The following FBLN5 variants were observed in gnomAD, a reference collection of about 807,000 sequenced individuals.
FBLN5 encodes fibulin 5, also known as fibulin-5.
A neutral mutation model predicts 61.6 loss-of-function variants in FBLN5; 24 were observed. The observed-to-expected ratio is 0.39, with a 90% CI of 0.28 to 0.55. The LOEUF (loss-of-function observed/expected upper bound fraction) is 0.55. Ranked by LOEUF, FBLN5 falls within the 20% of genes least tolerant of loss-of-function variation. FBLN5 has a pLI of 0.65. For synonymous variants in FBLN5, 213 were observed against 219.8 expected (o/e 0.97, Z 0.27); for missense variants, 470 against 594.1 (o/e 0.79, Z 2.17).
intron 1 of FBLN5, chr14:91,946,768 C>T: frequency 5.2e-6 from 8 of 1,536,068 alleles, no homozygotes; most frequent in Non-Finnish European, 7.0e-6. Context: ...GTGAGAATCC[C>T]ACACAAACAT....
At chr14:91,941,182 C>T (rs973640819) in intron 2 of FBLN5, among the ~76,000 whole-genome samples, 1 of 152,030 alleles carries the variant, frequency 6.6e-6, no homozygotes, top group Admixed American at 6.5e-5. Flanking sequence ...AGTTATTTGC[C>T]CCCATGAAAT....
At chr14:91,936,422 GT>G (rs1218178582) in intron 4 of FBLN5, among the ~76,000 whole-genome samples, 1 of 152,124 alleles carries the variant, frequency 6.6e-6, no homozygotes, top group Non-Finnish European at 1.5e-5. Flanking sequence ...GCTCCTTTTG[GT>G]CACAAGCACA....
chr14:91,901,269 G>A (rs1173193523), intron 4 of FBLN5, among the ~76,000 whole-genome samples: 4 of 152,308 alleles, frequency 2.6e-5, no homozygotes, highest in Non-Finnish European at 5.9e-5. Context: ...AACGTCGGCT[G>A]AATATCTCAG....
intron 1 of FBLN5, among the ~76,000 whole-genome samples, chr14:91,945,143 A>C (rs1327242943): frequency 6.6e-6 from 1 of 151,972 alleles, no homozygotes; most frequent in Non-Finnish European, 1.5e-5. Flanking sequence ...AGGCAGACAA[A>C]TCACTTGAAC....
Position 91,937,085 on chromosome 14 carries a change from A to G in FBLN5, c.241T>C (p.Ser81Pro), listed in dbSNP as rs1479197790. ...RTNPVYRGPY[S>P]NPYSTPYSGP... is the part of the protein sequence containing the mutation. Reference sequence around the variant, plus strand: ...GAGTAGGGGGTCGAGTAGGGGTTCGAGTAGGGCCCTCGATACACAGGGTTT... The same window carrying G: ...GAGTAGGGGGTCGAGTAGGGGTTCGGGTAGGGCCCTCGATACACAGGGTTT... The change falls in exon 4 of 11, where the codon TCG (serine) becomes CCG (proline). Residue 81 changes from serine (S) to proline (P), a missense_variant. By Grantham distance (74) the Ser-to-Pro change is moderately conservative (BLOSUM62 -1). Transcript: ENST00000342058. The G allele has an allele frequency of 6.2e-7, 1 of 1,613,750 alleles. No homozygotes were observed. Among genetic ancestry groups the G allele is most frequent in the Non-Finnish European group, 8.5e-7 (1 of 1,179,972 alleles).
chr14:91,889,970 C>T (rs1383792352), intron 6 of FBLN5, among the ~76,000 whole-genome samples: 1 of 152,208 alleles, frequency 6.6e-6, no homozygotes, highest in Non-Finnish European at 1.5e-5. Flanking sequence ...CCTCCAATCC[C>T]AGGCCTTGGC....
At chr14:91,944,852 G>A (rs2056159525) in intron 1 of FBLN5, among the ~76,000 whole-genome samples, 1 of 152,220 alleles carries the variant, frequency 6.6e-6, no homozygotes, top group Non-Finnish European at 1.5e-5. Context: ...CATGCAAGGT[G>A]AAAAGAGTTC....
chr14:91,874,665 C>T (rs1889087901), intron 10 of FBLN5: 1 of 152,172 alleles, frequency 6.6e-6, no homozygotes, highest in Non-Finnish European at 1.5e-5. Flanking sequence ...GTATAGAAAG[C>T]ACTTAGAATA....
At chr14:91,896,308 T>A (rs1757922444) in intron 4 of FBLN5, among the ~76,000 whole-genome samples, 1 of 152,160 alleles carries the variant, frequency 6.6e-6, no homozygotes, top group South Asian at 2.1e-4. Context: ...GCCTCCTGGA[T>A]CTGCCTGGTC....
At chr14:91,870,455 C>G in intron 10 of FBLN5, 70 bp from the exon 11 acceptor site, 1 of 1,491,120 alleles carries the variant, frequency 6.7e-7, no homozygotes, top group Non-Finnish European at 9.3e-7. Context: ...CACCTGGGCG[C>G]TCCCTTGCCT....
At chr14:91,910,256 G>A (rs1174390805) in intron 4 of FBLN5, among the ~76,000 whole-genome samples, 2 of 152,186 alleles carry the variant, frequency 1.3e-5, no homozygotes, top group Non-Finnish European at 2.9e-5. Context: ...AGTATGCTAA[G>A]TGAAACACGC....
rs779480328 is a variant in FBLN5 at position 91,894,993 on chromosome 14, G to A, written c.459C>T (p.Cys153=). ...GAAGCCAATATCCGTCGGTGCAGGA[G>A]CAGGTGTACCCGCCTTCAGTATTGA... The part of the protein sequence containing the change: ...ICINTEGGYT[C]SCTDGYWLLE... Residue 153 remains cysteine (C), a synonymous_variant, in exon 5 of 11, where the codon TGC becomes TGT. Transcript: ENST00000342058. 3 of 1,614,174 alleles carry A rather than the reference G, an allele frequency of 1.9e-6. No individual in the cohort carries two copies. Among genetic ancestry groups the A allele is most frequent in the Non-Finnish European group, 2.5e-6 (3 of 1,180,014 alleles).
intron 4 of FBLN5, among the ~76,000 whole-genome samples, chr14:91,915,052 T>C (rs1352833673): frequency 6.6e-6 from 1 of 151,570 alleles, no homozygotes; most frequent in East Asian, 1.9e-4. Flanking sequence ...CCCAGCTACT[T>C]AGGAGGCTGA....
In FBLN5 at chr14:91,870,372, A is replaced by C. The variant is rs1472810881; in HGVS notation, c.1199T>G (p.Ile400Ser). The C allele has an allele frequency of 6.2e-7, 1 of 1,613,896 alleles. No individual in the cohort carries two copies. The highest frequency in any genetic ancestry group is 1.7e-5 in the Admixed American group (1 of 60,030). ...GCGTGTCATCACCAGGGTGGCACTG[A>C]TGGGGCCCGTTTGCTATGGACAGAA... ...REFYMRQTGP[I>S]SATLVMTRPI... is the part of the protein sequence containing the mutation. The change falls in exon 11 of 11, where the codon ATC becomes AGC. Residue 400 changes from isoleucine (I) to serine (S), a missense_variant. Coordinates refer to ENST00000342058, the MANE Select transcript of FBLN5 (RefSeq NM_006329.4).
intron 4 of FBLN5, among the ~76,000 whole-genome samples, chr14:91,908,666 G>A (rs1009259464): frequency 2.0e-5 from 3 of 152,142 alleles, no homozygotes; most frequent in African/African-American, 4.8e-5. Flanking sequence ...CCAGTGTTTC[G>A]CCAAATGTGC....
At chr14:91,892,858 G>C (rs1890050791) in intron 5 of FBLN5, among the ~76,000 whole-genome samples, 1 of 152,250 alleles carries the variant, frequency 6.6e-6, no homozygotes, top group Non-Finnish European at 1.5e-5. Flanking sequence ...TTAGCCAGGG[G>C]AGGGCAGGAG....
intron 4 of FBLN5, among the ~76,000 whole-genome samples, chr14:91,911,803 GA>G (rs55665890): frequency 0.41 from 57,611 of 141,066 alleles, 11,661 homozygotes; most frequent in Non-Finnish European, 0.48. Flanking sequence ...GGAAAAGACG[GA>G]AAAAAAAAAA....
At chr14:91,903,291 C>T (rs1890537815) in intron 4 of FBLN5, among the ~76,000 whole-genome samples, 1 of 152,136 alleles carries the variant, frequency 6.6e-6, no homozygotes, top group African/African-American at 2.4e-5. Context: ...TAGTTGGGTG[C>T]CTATGGCTGC....
intron 4 of FBLN5, among the ~76,000 whole-genome samples, chr14:91,913,975 A>T (rs917624006): frequency 6.6e-6 from 1 of 152,250 alleles, no homozygotes; most frequent in African/African-American, 2.4e-5. Context: ...ACACCAAAAA[A>T]TATGTAGTCT....
Sources: allele counts gnomAD v4.1 joint callset (sites outside exome capture counted in the v4.1 genomes callset), GRCh38; gene constraint gnomAD v4.1.1; transcripts MANE v1.5; gene names NCBI Gene and HGNC (gene_info 2026-07-23, HGNC 2026-07-21).